Variants in SLC25A28 observed in about 807,000 individuals in gnomAD.
The protein encoded by SLC25A28 is mitoferrin-2.
SLC25A28 carries 10 observed loss-of-function variants against 31.9 expected under a neutral mutation model. The ratio of observed to expected loss-of-function variants is 0.31; its 90% CI spans 0.19 to 0.53. The LOEUF is 0.53. Ranked by LOEUF, SLC25A28 falls within the 20% of genes least tolerant of loss-of-function variation. SLC25A28 has a pLI of 0.95. For synonymous variants in SLC25A28, 208 were observed against 203.6 expected (o/e 1.02, Z -0.19); for missense variants, 256 against 490.3 (o/e 0.52, Z 4.51).
chr10:99,614,539 G>C (rs2133344824), intron 1 of SLC25A28, among the ~76,000 whole-genome samples: 1 of 152,262 alleles, frequency 6.6e-6, no homozygotes, highest in South Asian at 2.1e-4. Flanking sequence ...AACCAATCTA[G>C]TCTCCAATCC....
the SLC25A28 span, among the ~76,000 whole-genome samples, chr10:99,626,109 G>A: frequency 0.86 from 130,625 of 152,266 alleles, 56,114 homozygotes; most frequent in Middle Eastern, 0.92. Context: ...TGCTGCGTCC[G>A]GCTTACACTA....
chr10:99,649,747 T>C, the SLC25A28 span, among the ~76,000 whole-genome samples: 6 of 152,246 alleles, frequency 3.9e-5, no homozygotes, highest in African/African-American at 1.4e-4. Context: ...TTTCTGGGCA[T>C]ACAGTTGTTC....
At chr10:99,638,145 C>T in the SLC25A28 span, among the ~76,000 whole-genome samples, 1 of 152,104 alleles carries the variant, frequency 6.6e-6, no homozygotes, top group African/African-American at 2.4e-5. Flanking sequence ...ATCCCAAATA[C>T]TTAACAGCCA....
the SLC25A28 span, among the ~76,000 whole-genome samples, chr10:99,629,282 A>C: frequency 6.6e-5 from 10 of 152,318 alleles, no homozygotes; most frequent in East Asian, 1.9e-3. Context: ...TTATCTCTGC[A>C]GAAGCAGCCT....
At chr10:99,632,757 TA>T in the SLC25A28 span, among the ~76,000 whole-genome samples, 73 of 152,306 alleles carry the variant, frequency 4.8e-4, no homozygotes, top group Non-Finnish European at 7.8e-4. Flanking sequence ...AACTTGTTGC[TA>T]AACTACAGCA....
chr10:99,639,457 A>G, the SLC25A28 span, among the ~76,000 whole-genome samples: 1 of 151,980 alleles, frequency 6.6e-6, no homozygotes, highest in African/African-American at 2.4e-5. Flanking sequence ...ACCAAATACC[A>G]CCTGTACCCC....
the SLC25A28 span, among the ~76,000 whole-genome samples, chr10:99,648,402 T>C: frequency 1.3e-5 from 2 of 152,178 alleles, no homozygotes. Context: ...TCGAGCTTTG[T>C]TCTTTTTGCT....
At chr10:99,618,635 A>G (rs2034710425) in intron 1 of SLC25A28, 1 of 985,302 alleles carries the variant, frequency 1.0e-6, no homozygotes, top group Non-Finnish European at 1.2e-6. Context: ...CCAATTGACA[A>G]GGACATTTAA....
Position 99,611,283 on chromosome 10 carries a change from C to G in SLC25A28, c.661G>C (p.Ala221Pro), listed in dbSNP as rs755628185. The G allele has an allele frequency of 6.2e-7, 1 of 1,614,102 alleles. No individual in the cohort carries two copies. Among genetic ancestry groups the G allele is most frequent in the East Asian group, 2.2e-5 (1 of 44,868 alleles). The change falls in exon 4 of 4, where the codon GCC becomes CCC. Residue 221 changes from alanine to proline, a missense_variant. Ala to Pro is a conservative substitution (Grantham distance 27, BLOSUM62 -1). This residue lies in a region of SLC25A28 where 158 missense variants were observed against 379.1 expected (regional missense o/e 0.42). Coordinates refer to ENST00000370495, the MANE Select transcript of SLC25A28 (RefSeq NM_031212.4). The surrounding 1 kb of genome is among the most constrained non-coding windows in gnomAD (Gnocchi z 5.5). ...GTGTAGCTGCGGTAAAAGGCCCCGG[C>G]CCCTTCATTTTGCCACACTGCCCGT... ...CVRAVWQNEG[A>P]GAFYRSYTTQ... is the part of the protein sequence containing the mutation.
At chr10:99,638,153 C>G in the SLC25A28 span, among the ~76,000 whole-genome samples, 1 of 152,068 alleles carries the variant, frequency 6.6e-6, no homozygotes, top group Admixed American at 6.6e-5. Context: ...TACTTAACAG[C>G]CAACTGATCT....
intron 3 of SLC25A28, among the ~76,000 whole-genome samples, chr10:99,612,294 G>C (rs1217144813): frequency 6.6e-6 from 1 of 152,158 alleles, no homozygotes; most frequent in East Asian, 1.9e-4. Context: ...AGGCTCCCAG[G>C]AAAGCCCAAA....
chr10:99,651,594 C>CTTTTCTTTT, the SLC25A28 span, among the ~76,000 whole-genome samples: 1 of 110,174 alleles, frequency 9.1e-6, no homozygotes, highest in African/African-American at 3.4e-5. Context: ...TTTTTCTTTT[C>CTTTTCTTTT]TTTTTTTTTT....
the SLC25A28 span, among the ~76,000 whole-genome samples, chr10:99,643,661 G>A: frequency 1.3e-5 from 2 of 152,166 alleles, no homozygotes; most frequent in East Asian, 3.9e-4. Flanking sequence ...TGATGTTAGG[G>A]TATGAATTTT....
In SLC25A28 at chr10:99,612,561, C is replaced by T. The variant is rs1243922520; in HGVS notation, c.559G>A (p.Ala187Thr). 1.2e-6 allele frequency: 2 copies of T among 1,614,210 alleles called. No homozygotes were observed. The highest frequency in any genetic ancestry group is 4.5e-5 in the East Asian group (2 of 44,890). Reference sequence around the variant, plus strand: ...TCATTACCTTCCGCAGGGTTCATGGCTGCATCATGAAGTAATGTTGCCACA... The same window carrying T: ...TCATTACCTTCCGCAGGGTTCATGGTTGCATCATGAAGTAATGTTGCCACA... ...GCVATLLHDA[A>T]MNPAEVVKQR... Residue 187 changes from alanine to threonine, a missense_variant, in exon 3 of 4, where the codon GCC (alanine) becomes ACC (threonine). Ala to Thr is a moderately conservative substitution (Grantham distance 58, BLOSUM62 0). Transcript: ENST00000370495.
the SLC25A28 span, among the ~76,000 whole-genome samples, chr10:99,654,669 C>CAAA: frequency 6.6e-6 from 1 of 151,524 alleles, no homozygotes; most frequent in African/African-American, 2.4e-5. Context: ...ACAACAACAA[C>CAAA]AACAACAACA....
the SLC25A28 span, among the ~76,000 whole-genome samples, chr10:99,646,447 G>A: frequency 2.6e-5 from 4 of 152,192 alleles, no homozygotes; most frequent in Non-Finnish European, 5.9e-5. Context: ...AATTTTCCAG[G>A]TACCATCTGT....
At chr10:99,619,132 C>A in intron 1 of SLC25A28, 1 of 985,392 alleles carries the variant, frequency 1.0e-6, no homozygotes, top group Non-Finnish European at 1.2e-6. Context: ...TTCAGAAGGA[C>A]CTGACTTCAG....
At chr10:99,615,866 G>C (rs982494262) in intron 1 of SLC25A28, 6 of 985,404 alleles carry the variant, frequency 6.1e-6, no homozygotes, top group Non-Finnish European at 7.2e-6. Flanking sequence ...GCAGTCAATG[G>C]TGTATTTGGC....
At chr10:99,619,135 G>A (rs766898542) in intron 1 of SLC25A28, 28 of 985,258 alleles carry the variant, frequency 2.8e-5, no homozygotes, top group Non-Finnish European at 3.0e-5. Flanking sequence ...AGAAGGACCT[G>A]ACTTCAGTAC....
Sources: allele counts gnomAD v4.1 joint callset (sites outside exome capture counted in the v4.1 genomes callset), GRCh38; gene constraint gnomAD v4.1.1; regional missense constraint gnomAD v4.1.1; non-coding constraint Gnocchi (gnomAD v3.1); transcripts MANE v1.5; gene names NCBI Gene and HGNC (gene_info 2026-07-23, HGNC 2026-07-21).